TMEM132D: variants seen among roughly 807,000 people sequenced by gnomAD.
TMEM132D encodes the protein mature OL transmembrane protein.
Under a neutral mutation model 62.3 loss-of-function variants are expected in TMEM132D, and 21 were observed. That is an observed-to-expected ratio of 0.34 (90% CI 0.24 to 0.49). TMEM132D has a LOEUF of 0.49. TMEM132D is among the 20% of genes least tolerant of loss of function. The pLI, the probability that TMEM132D is intolerant of heterozygous loss-of-function variation, is 0.99. For synonymous variants in TMEM132D, 621 were observed against 575.6 expected, an observed-to-expected ratio of 1.08 and a Z score of -1.13; for missense variants, 1,346 against 1,402.8, an observed-to-expected ratio of 0.96 and a Z score of 0.65.
chr12:129,729,327 G>A (rs1163363912), intron 1 of TMEM132D, among the ~76,000 whole-genome samples: 2 of 152,112 alleles, frequency 1.3e-5, no homozygotes, highest in Non-Finnish European at 2.9e-5. Context: ...CAACCTTGAC[G>A]CTACTGACAT....
chr12:129,734,494 G>T (rs1380577720), intron 1 of TMEM132D, among the ~76,000 whole-genome samples: 1 of 152,130 alleles, frequency 6.6e-6, no homozygotes, highest in East Asian at 1.9e-4. Flanking sequence ...AGAGTTCCAT[G>T]TGTATTCCTT....
intron 2 of TMEM132D, among the ~76,000 whole-genome samples, chr12:129,667,956 T>C (rs670275): frequency 0.76 from 115,232 of 151,442 alleles, 44,271 homozygotes; most frequent in East Asian, 0.86. Context: ...CTTAAACTGG[T>C]TACCCTAAAA....
intron 1 of TMEM132D, among the ~76,000 whole-genome samples, chr12:129,789,716 A>AGGGCAGC (rs1593162554): frequency 1.3e-5 from 2 of 152,212 alleles, no homozygotes; most frequent in Non-Finnish European, 2.9e-5. Context: ...GATGGGACCA[A>AGGGCAGC]GGGCAGCAGG....
At chr12:129,559,058 ACTTT>A (rs1296176926) in intron 2 of TMEM132D, among the ~76,000 whole-genome samples, 2 of 152,206 alleles carry the variant, frequency 1.3e-5, no homozygotes, top group Non-Finnish European at 2.9e-5. Context: ...AGAGTAATCC[ACTTT>A]CTCAAAGACC....
intron 4 of TMEM132D, among the ~76,000 whole-genome samples, chr12:129,274,081 A>G (rs1880935640): frequency 1.3e-5 from 2 of 151,802 alleles, no homozygotes; most frequent in South Asian, 4.1e-4. Flanking sequence ...GTTGTAGAAA[A>G]AAAAGATTAA....
rs149008840 is a variant in TMEM132D at position 129,774,442 on chromosome 12, G to A, written c.80-73744C>T. On this transcript the variant is annotated intron_variant, in intron 1 of 8. Transcript: ENST00000422113. ...TTGCCAGGAAGGGATTTTCATGGCT[G>A]CTGCCTAGATCGGGTGTAACCTGAA... 1.1e-3 allele frequency among the ~76,000 whole-genome samples: 168 copies of A among 152,304 alleles called. 2 individuals carry two copies. The highest frequency in any genetic ancestry group is 1.8e-3 in the Admixed American group (28 of 15,308).
chr12:129,560,203 A>T (rs1183745954), intron 2 of TMEM132D, among the ~76,000 whole-genome samples: 1 of 151,844 alleles, frequency 6.6e-6, no homozygotes, highest in Non-Finnish European at 1.5e-5. Flanking sequence ...AAAACACTTA[A>T]CATTCAACAT....
intron 5 of TMEM132D, among the ~76,000 whole-genome samples, chr12:129,087,259 G>T (rs896481206): frequency 6.6e-6 from 1 of 151,920 alleles, no homozygotes; most frequent in Non-Finnish European, 1.5e-5. Context: ...TGCACTTAGC[G>T]TCATGTCCTC....
At chr12:129,391,059 C>A (rs1374856656) in intron 3 of TMEM132D, among the ~76,000 whole-genome samples, 1 of 152,194 alleles carries the variant, frequency 6.6e-6, no homozygotes, top group Non-Finnish European at 1.5e-5. Context: ...ACTATTGAAT[C>A]ATTAGATCCT....
At chr12:129,618,963 T>C (rs1332534810) in intron 2 of TMEM132D, among the ~76,000 whole-genome samples, 1 of 152,164 alleles carries the variant, frequency 6.6e-6, no homozygotes, top group African/African-American at 2.4e-5. Context: ...AACTTTCTGA[T>C]TGGCAATGGG....
chr12:129,125,401 T>C (rs1315447386), intron 5 of TMEM132D, among the ~76,000 whole-genome samples: 1 of 152,126 alleles, frequency 6.6e-6, no homozygotes, highest in Non-Finnish European at 1.5e-5. Context: ...TTAATCGTCC[T>C]GTGATTAAGA....
At chr12:129,842,523 C>G (rs1020696913) in intron 1 of TMEM132D, among the ~76,000 whole-genome samples, 1 of 151,940 alleles carries the variant, frequency 6.6e-6, no homozygotes, top group Non-Finnish European at 1.5e-5. Context: ...GGCTGGAGTG[C>G]AGTAGTGTGA....
At chr12:129,690,250 A>C (rs1220758683) in intron 2 of TMEM132D, among the ~76,000 whole-genome samples, 1 of 152,200 alleles carries the variant, frequency 6.6e-6, no homozygotes, top group Non-Finnish European at 1.5e-5. Context: ...AAATGTAATC[A>C]CATAAGATAC....
intron 1 of TMEM132D, among the ~76,000 whole-genome samples, chr12:129,845,712 C>A (rs763518425): frequency 1.3e-5 from 2 of 152,136 alleles, no homozygotes; most frequent in Non-Finnish European, 2.9e-5. Flanking sequence ...GGCAGATAAG[C>A]CCCAAAATTG....
chr12:129,108,372 T>G (rs1380346151), intron 5 of TMEM132D, among the ~76,000 whole-genome samples: 1 of 152,202 alleles, frequency 6.6e-6, no homozygotes, highest in Non-Finnish European at 1.5e-5. Context: ...AGAGGCTGCC[T>G]GCTTTATTTT....
At chr12:129,819,138 A>G (rs1028693745) in intron 1 of TMEM132D, among the ~76,000 whole-genome samples, 1 of 152,016 alleles carries the variant, frequency 6.6e-6, no homozygotes, top group African/African-American at 2.4e-5. Flanking sequence ...AAAGGAACGA[A>G]AACATAGGTT....
intron 2 of TMEM132D, among the ~76,000 whole-genome samples, chr12:129,550,119 G>A (rs150529918): frequency 5.3e-5 from 8 of 152,286 alleles, no homozygotes; most frequent in Middle Eastern, 6.8e-3. Flanking sequence ...GTTGTCATGA[G>A]AAAGATTAAT....
intron 2 of TMEM132D, among the ~76,000 whole-genome samples, chr12:129,668,969 T>A (rs1018040811): frequency 3.3e-5 from 5 of 152,300 alleles, no homozygotes; most frequent in African/African-American, 1.2e-4. Flanking sequence ...TGTCACTTTC[T>A]AACAGGCTCA....
At chr12:129,688,729 A>C (rs1880990572) in intron 2 of TMEM132D, among the ~76,000 whole-genome samples, 1 of 151,964 alleles carries the variant, frequency 6.6e-6, no homozygotes, top group South Asian at 2.1e-4. Context: ...AAGAAACAGG[A>C]GCAAACAGAT....
Sources: gnomAD v4.1 joint callset for allele counts (sites outside exome capture counted in the v4.1 genomes callset) on GRCh38, gnomAD v4.1.1 for gene constraint, MANE v1.5 for transcripts, NCBI Gene and HGNC (gene_info 2026-07-23, HGNC 2026-07-21) for gene names.